Variants in TMEM108 observed in about 807,000 individuals in gnomAD.
TMEM108 encodes cancer/testis antigen 124.
A neutral mutation model predicts 35.1 loss-of-function variants in TMEM108; 12 were observed. That is an observed-to-expected ratio of 0.34 (90% CI 0.22 to 0.55). The LOEUF (loss-of-function observed/expected upper bound fraction) is 0.55. Among genes scored for constraint, TMEM108 ranks in the 20% least tolerant of loss-of-function variants. The pLI is 0.89. For synonymous variants in TMEM108, 287 were observed against 308.6 expected, an observed-to-expected ratio of 0.93 and a Z score of 0.73; for missense variants, 680 against 753.3, an observed-to-expected ratio of 0.90 and a Z score of 1.14.
chr3:133,244,882 T>C (rs76744700), intron 3 of TMEM108, among the ~76,000 whole-genome samples: 2,173 of 152,312 alleles, frequency 0.014, 63 homozygotes, highest in African/African-American at 0.05. Context: ...CATTCTTGTG[T>C]GTACAACAGG....
chr3:133,317,022 G>A (rs564519569), intron 3 of TMEM108, among the ~76,000 whole-genome samples: 8 of 152,152 alleles, frequency 5.3e-5, no homozygotes, highest in Non-Finnish European at 1.2e-4. Flanking sequence ...GAAAATTCCA[G>A]TGTGGCCAGG....
Position 133,314,884 on chromosome 3 carries a change from T to A in TMEM108, c.41-64868T>A, listed in dbSNP as rs565804398. On this transcript the variant is annotated intron_variant, in intron 3 of 5. Transcript: ENST00000321871. ...TAACAGTGACAACGACAACCTGGAT[T>A]TGCATAGCTCTTTGCCCTTTCAAGA... is the stretch of plus-strand genomic sequence containing the variant. Among the ~76,000 whole-genome samples, 5 of 152,358 alleles carry A rather than the reference T, an allele frequency of 3.3e-5. No individual in the cohort carries two copies. In the South Asian group the frequency reaches 8.3e-4, roughly 25 times the overall value.
At chr3:133,356,977 A>G (rs2072191421) in intron 3 of TMEM108, among the ~76,000 whole-genome samples, 1 of 152,210 alleles carries the variant, frequency 6.6e-6, no homozygotes, top group South Asian at 2.1e-4. Flanking sequence ...ACCTAATTAA[A>G]CTAAAAAGCT....
chr3:133,394,413 A>ACCT (rs972003339), intron 5 of TMEM108, among the ~76,000 whole-genome samples: 5 of 148,872 alleles, frequency 3.4e-5, no homozygotes, highest in Admixed American at 6.7e-5. Context: ...TCTTTTTCCC[A>ACCT]CCTCCTCCTC....
chr3:133,073,508 C>CTATATA (rs1273905276), intron 2 of TMEM108, among the ~76,000 whole-genome samples: 68 of 68,970 alleles, frequency 9.9e-4, no homozygotes, highest in African/African-American at 1.2e-3. Context: ...CTCTCTCTCT[C>CTATATA]TCTATATATA....
At chr3:133,122,515 A>G (rs929616626) in intron 2 of TMEM108, among the ~76,000 whole-genome samples, 1 of 152,170 alleles carries the variant, frequency 6.6e-6, no homozygotes, top group Non-Finnish European at 1.5e-5. Context: ...TACAAAGGCA[A>G]TTATGAATTA....
intron 3 of TMEM108, among the ~76,000 whole-genome samples, chr3:133,230,712 ATGTT>A (rs1946140098): frequency 1.3e-5 from 2 of 152,180 alleles, no homozygotes; most frequent in Admixed American, 1.3e-4. Flanking sequence ...GAACAGCAAA[ATGTT>A]TGTTGAGTTC....
intron 3 of TMEM108, among the ~76,000 whole-genome samples, chr3:133,229,838 G>A (rs1946126550): frequency 6.6e-6 from 1 of 152,172 alleles, no homozygotes; most frequent in Admixed American, 6.5e-5. Flanking sequence ...GCTATACATG[G>A]TTCTCAAATA....
intron 3 of TMEM108, among the ~76,000 whole-genome samples, chr3:133,347,434 A>G (rs2071855564): frequency 6.6e-6 from 1 of 151,438 alleles, no homozygotes; most frequent in African/African-American, 2.4e-5. Flanking sequence ...TGTGTTTTTC[A>G]TTTTAAATTC....
At chr3:133,128,455 A>T (rs1172382393) in intron 2 of TMEM108, among the ~76,000 whole-genome samples, 1 of 152,164 alleles carries the variant, frequency 6.6e-6, no homozygotes, top group Non-Finnish European at 1.5e-5. Context: ...CCTCATTACC[A>T]TCAGAATCAA....
At chr3:133,363,954 A>G (rs1043035279) in intron 3 of TMEM108, among the ~76,000 whole-genome samples, 1 of 152,232 alleles carries the variant, frequency 6.6e-6, no homozygotes, top group Non-Finnish European at 1.5e-5. Flanking sequence ...ACACAACTAC[A>G]TTTAGAGTGC....
chr3:133,276,890 G>C (rs778447293), intron 3 of TMEM108, among the ~76,000 whole-genome samples: 8 of 152,198 alleles, frequency 5.3e-5, no homozygotes, highest in Admixed American at 1.3e-4. Flanking sequence ...ATGTGTCCCA[G>C]AGAGAGTCAG....
At chr3:133,377,172 A>C (rs1382131595) in intron 3 of TMEM108, among the ~76,000 whole-genome samples, 1 of 152,200 alleles carries the variant, frequency 6.6e-6, no homozygotes, top group East Asian at 1.9e-4. Flanking sequence ...CTATCTCCAA[A>C]TATAGTCACA....
intron 3 of TMEM108, among the ~76,000 whole-genome samples, chr3:133,280,595 G>A (rs1946899429): frequency 6.6e-6 from 1 of 152,074 alleles, no homozygotes; most frequent in African/African-American, 2.4e-5. Flanking sequence ...ACATTCCTGT[G>A]GACACAAATA....
At chr3:133,319,002 G>A (rs370531252) in intron 3 of TMEM108, among the ~76,000 whole-genome samples, 5 of 151,122 alleles carry the variant, frequency 3.3e-5, no homozygotes, top group South Asian at 2.1e-4. Context: ...TAAACTCAGC[G>A]CTGTTTGCAG....
intron 2 of TMEM108, among the ~76,000 whole-genome samples, chr3:133,077,089 AGTT>A (rs1185577434): frequency 2.0e-5 from 3 of 152,208 alleles, no homozygotes; most frequent in Non-Finnish European, 2.9e-5. Context: ...GCAAGGCTCC[AGTT>A]GTTTCTCATT....
intron 3 of TMEM108, among the ~76,000 whole-genome samples, chr3:133,333,092 G>T (rs2071417703): frequency 6.6e-6 from 1 of 152,074 alleles, no homozygotes; most frequent in African/African-American, 2.4e-5. Context: ...GGGAGCTTGT[G>T]GCTTTTTTGA....
At chr3:133,113,456 AT>A (rs1309706898) in intron 2 of TMEM108, among the ~76,000 whole-genome samples, 1 of 152,202 alleles carries the variant, frequency 6.6e-6, no homozygotes, top group Non-Finnish European at 1.5e-5. Context: ...CATTTTTTAA[AT>A]ACTGATGGTC....
Position 133,396,041 on chromosome 3 carries a change from T to A in TMEM108, c.*55T>A. The A allele has an allele frequency of 8.1e-7, 1 of 1,234,542 alleles. No homozygotes were observed. The highest frequency in any genetic ancestry group is 1.6e-5 in the African/African-American group (1 of 63,240). 76.5% of individuals were successfully genotyped at this position (1,234,542 alleles called of 1,614,324 possible). On this transcript the variant is annotated 3_prime_UTR_variant, in exon 6 of 6. Transcript: ENST00000321871. Reference sequence around the variant, plus strand: ...ATTTTTCGTCTCTAAATTATAAATATACAAATACATATATTATAAATATAA... The same window carrying A: ...ATTTTTCGTCTCTAAATTATAAATAAACAAATACATATATTATAAATATAA...
Sources: gnomAD v4.1 joint callset for allele counts (sites outside exome capture counted in the v4.1 genomes callset) on GRCh38, gnomAD v4.1.1 for gene constraint, MANE v1.5 for transcripts, NCBI Gene and HGNC (gene_info 2026-07-23, HGNC 2026-07-21) for gene names.